ST6GALNAC1: variants seen among roughly 807,000 people sequenced by gnomAD.
The protein encoded by ST6GALNAC1 is alpha-N-acetylgalactosaminide alpha-2,6-sialyltransferase 1.
ST6GALNAC1 carries 45 observed loss-of-function variants against 56.8 expected under a neutral mutation model. That is an observed-to-expected ratio of 0.79 (90% CI 0.62 to 1.02). ST6GALNAC1 has a LOEUF of 1.02. ST6GALNAC1 is among the 50% of genes least tolerant of loss of function. ST6GALNAC1 has a pLI of 0.00. For missense variants in ST6GALNAC1, 743 were observed against 754.8 expected, an observed-to-expected ratio of 0.98 and a Z score of 0.18; for synonymous variants, 295 against 297.8, an observed-to-expected ratio of 0.99 and a Z score of 0.10.
Position 76,626,777 on chromosome 17 carries a change from A to G in ST6GALNAC1, c.1185T>C (p.Ala395=), listed in dbSNP as rs183252814. 1.1e-5 allele frequency: 18 copies of G among 1,614,112 alleles called. No homozygotes were observed. In the African/African-American group the frequency reaches 1.6e-4, roughly 14 times the overall value. ...SHDYVFRLSG[A]LIKGYEQDVG... is the part of the protein sequence containing the mutation. Reference sequence around the variant, plus strand: ...CATCCTGTTCGTAGCCTTTAATGAGAGCTCCGCTCAATCTGTGCAGAAAGA... The same window carrying G: ...CATCCTGTTCGTAGCCTTTAATGAGGGCTCCGCTCAATCTGTGCAGAAAGA... Residue 395 remains alanine (A), a synonymous_variant, in exon 5 of 9, where the codon GCT becomes GCC. Coordinates refer to ENST00000156626, the MANE Select transcript of ST6GALNAC1 (RefSeq NM_018414.5).
In ST6GALNAC1 at chr17:76,627,442, A is replaced by C; in HGVS notation, c.973T>G (p.Phe325Val). 1 of 1,614,202 alleles carries C rather than the reference A, an allele frequency of 6.2e-7. No individual in the cohort carries two copies. The highest frequency in any genetic ancestry group is 8.5e-7 in the Non-Finnish European group (1 of 1,180,018). The change falls in exon 3 of 9, where the codon TTT becomes GTT. Residue 325 changes from phenylalanine to valine, a missense_variant. Phe to Val is a conservative substitution (Grantham distance 50, BLOSUM62 -1). Coordinates refer to ENST00000156626, the MANE Select transcript of ST6GALNAC1 (RefSeq NM_018414.5). This position sits in a 1 kb window ranked among gnomAD's most constrained non-coding sequence, Gnocchi z 4.4. ...GAGTAGTTGAGCTCCATGAAGCCAA[A>C]GGGTGGTGCAAAGTGTTCCAGGCGG... is the stretch of plus-strand genomic sequence containing the variant. ...WDRLEHFAPP[F>V]GFMELNYSLV...
rs760454099 is a variant in ST6GALNAC1 at position 76,629,168 on chromosome 17, TG to T, written c.674del (p.Pro225HisfsTer27). On this transcript the variant is annotated frameshift_variant, in exon 2 of 9. Coordinates refer to ENST00000156626, the MANE Select transcript of ST6GALNAC1 (RefSeq NM_018414.5). LOFTEE classifies it high-confidence loss of function. ...RQKGVTTAVI[P>X]PKEKKPQATP... ...TGGCCTGAGGTTTCTTCTCCTTAGG[TG>T]GGATGACTGCTGTGGTCACTCCTTT... 1.2e-6 allele frequency: 2 copies of T among 1,614,116 alleles called. No homozygotes were observed. The highest frequency in any genetic ancestry group is 1.7e-6 in the Non-Finnish European group (2 of 1,179,994).
chr17:76,638,439 C>T (rs2076005029), intron 1 of ST6GALNAC1, among the ~76,000 whole-genome samples: 1 of 151,592 alleles, frequency 6.6e-6, no homozygotes, highest in Non-Finnish European at 1.5e-5. Context: ...TGCAGTAGAG[C>T]AATCTTAGCT....
At chr17:76,639,695 A>T (rs2076023422) in intron 1 of ST6GALNAC1, among the ~76,000 whole-genome samples, 1 of 123,724 alleles carries the variant, frequency 8.1e-6, no homozygotes. Flanking sequence ...ACACACACAC[A>T]CTAGGTGTTC....
At chr17:76,634,446 G>T (rs1009755720) in intron 1 of ST6GALNAC1, among the ~76,000 whole-genome samples, 1 of 152,134 alleles carries the variant, frequency 6.6e-6, no homozygotes, top group Non-Finnish European at 1.5e-5. Flanking sequence ...CACATTGTTA[G>T]CTGGGCCTGG....
chr17:76,634,464 A>G (rs1422049148), intron 1 of ST6GALNAC1, among the ~76,000 whole-genome samples: 1 of 152,068 alleles, frequency 6.6e-6, no homozygotes, highest in Non-Finnish European at 1.5e-5. Flanking sequence ...TGGAGTTCCC[A>G]AGACCCCCTT....
At chr17:76,619,806 G>A (rs964148241), downstream of ST6GALNAC1, among the ~76,000 whole-genome samples, 8 of 141,152 alleles carry the variant, frequency 5.7e-5, no homozygotes, top group South Asian at 2.3e-4. Context: ...GTGCAATGGC[G>A]CAATCTTGCT....
intron 1 of ST6GALNAC1, among the ~76,000 whole-genome samples, chr17:76,640,661 G>A (rs2076038262): frequency 6.6e-6 from 1 of 152,040 alleles, no homozygotes; most frequent in Non-Finnish European, 1.5e-5. Context: ...AAGAACAAAA[G>A]TACAGAAATA....
At chr17:76,617,781 AAAAG>A in the ST6GALNAC1 span, among the ~76,000 whole-genome samples, 22 of 152,180 alleles carry the variant, frequency 1.4e-4, no homozygotes, top group East Asian at 5.8e-4. Flanking sequence ...AAAAAAAAAA[AAAAG>A]AAAGAAAAAA....
At chr17:76,642,146 A>G (rs1296895318) in intron 1 of ST6GALNAC1, among the ~76,000 whole-genome samples, 2 of 151,844 alleles carry the variant, frequency 1.3e-5, no homozygotes, top group African/African-American at 2.4e-5. Context: ...ATAGATATCT[A>G]TATCTCCATC....
Position 76,625,171 on chromosome 17 carries a change from T to A in ST6GALNAC1, c.*159A>T, listed in dbSNP as rs1021444644. The stretch of plus-strand genomic sequence containing the variant: ...CAGAACCTCAATTAGCCATTTGCCA[T>A]CTTGAGAGAGTCTTGTCCATGGTTC... On this transcript the variant is annotated 3_prime_UTR_variant, in exon 9 of 9. Coordinates refer to ENST00000156626, the MANE Select transcript of ST6GALNAC1 (RefSeq NM_018414.5). 18 of 731,724 alleles carry A rather than the reference T, an allele frequency of 2.5e-5. No homozygotes were observed. Among genetic ancestry groups the A allele is most frequent in the Non-Finnish European group, 3.5e-5 (16 of 456,068 alleles). The allele number at this position is 731,724 out of a possible 1,614,324, so 45.3% of individuals were successfully genotyped here.
chr17:76,630,594 T>A (rs1268337915), intron 1 of ST6GALNAC1, among the ~76,000 whole-genome samples: 1 of 151,408 alleles, frequency 6.6e-6, no homozygotes, highest in African/African-American at 2.4e-5. Flanking sequence ...TTCTTTTTTT[T>A]TTTTTTTTTG....
chr17:76,619,977 C>T (rs899869796), downstream of ST6GALNAC1, among the ~76,000 whole-genome samples: 10 of 152,050 alleles, frequency 6.6e-5, no homozygotes, highest in Admixed American at 5.9e-4. Context: ...CTCCTGACCT[C>T]AGGTGATCCG....
At chr17:76,639,109 A>G (rs976805560) in intron 1 of ST6GALNAC1, among the ~76,000 whole-genome samples, 1 of 152,210 alleles carries the variant, frequency 6.6e-6, no homozygotes, top group Non-Finnish European at 1.5e-5. Flanking sequence ...CTCTGCATAA[A>G]GCATGAATTT....
intron 1 of ST6GALNAC1, among the ~76,000 whole-genome samples, chr17:76,630,838 C>T (rs1456864749): frequency 6.6e-6 from 1 of 151,412 alleles, no homozygotes; most frequent in Non-Finnish European, 1.5e-5. Context: ...ATCTGCCCAC[C>T]TTGGCCTCCC....
chr17:76,643,454 T>C (rs2076074795), intron 1 of ST6GALNAC1, 54 bp downstream of exon 1: 3 of 1,599,760 alleles, frequency 1.9e-6, no homozygotes, highest in Non-Finnish European at 2.6e-6. Context: ...GCTATCATTT[T>C]TCTGTTTCCT....
downstream of ST6GALNAC1, among the ~76,000 whole-genome samples, chr17:76,623,301 C>T (rs1477299158): frequency 6.6e-6 from 1 of 152,152 alleles, no homozygotes; most frequent in Non-Finnish European, 1.5e-5. Flanking sequence ...AGGTAGACCT[C>T]TCTCATAGCT....
intron 8 of ST6GALNAC1, 75 bp from the exon 9 acceptor site, chr17:76,625,602 T>C (rs990182631): frequency 1.9e-6 from 3 of 1,545,170 alleles, no homozygotes; most frequent in Admixed American, 3.6e-5. Flanking sequence ...TAATTCTGTG[T>C]TGAGGGGTGG....
intron 2 of ST6GALNAC1, among the ~76,000 whole-genome samples, chr17:76,628,068 G>A (rs1339355280): frequency 7.4e-6 from 1 of 135,480 alleles, no homozygotes; most frequent in Non-Finnish European, 1.5e-5. Context: ...CTGCACTCCA[G>A]CCTGGGCGAC....
Sources: gnomAD v4.1 joint callset for allele counts (sites outside exome capture counted in the v4.1 genomes callset) on GRCh38, gnomAD v4.1.1 for gene constraint, Gnocchi (gnomAD v3.1) non-coding constraint, MANE v1.5 for transcripts, NCBI Gene and HGNC (gene_info 2026-07-23, HGNC 2026-07-21) for gene names.